Variants in MUC4 observed in about 807,000 individuals in gnomAD.
The protein encoded by MUC4 is mucin 4, cell surface associated.
Under a neutral mutation model 257.9 loss-of-function variants are expected in MUC4, and 202 were observed. The observed-to-expected ratio is 0.78, with a 90% CI of 0.70 to 0.88. The LOEUF (loss-of-function observed/expected upper bound fraction) is 0.88. Ranked by LOEUF, MUC4 falls within the 40% of genes least tolerant of loss-of-function variation. The pLI is 0.00. For missense variants in MUC4, 5,976 were observed against 6,513.7 expected (o/e 0.92, Z 2.84); for synonymous variants, 2,351 against 2,757.1 (o/e 0.85, Z 4.62).
At position 195,779,215 on chromosome 3, in the gene MUC4, G is replaced by A. The variant is rs1725963612; in HGVS notation, c.12365C>T (p.Ser4122Phe). The A allele has an allele frequency of 7.8e-7, 1 of 1,288,846 alleles. No homozygotes were observed. Among genetic ancestry groups the A allele is most frequent in the Non-Finnish European group, 1.0e-6 (1 of 957,946 alleles). 79.8% of individuals were successfully genotyped at this position (1,288,846 alleles called of 1,614,324 possible). Residue 4122 changes from serine to phenylalanine, a missense_variant, in exon 2 of 25, where the codon TCC becomes TTC. Around this residue, in one of 44 missense-constraint regions of MUC4, gnomAD observed 293 missense variants for 294.5 expected, o/e 1.00. Coordinates refer to ENST00000463781, the MANE Select transcript of MUC4 (RefSeq NM_018406.7). The part of the protein sequence containing the change: ...PLPVTDTSSA[S>F]TGQATPLPVT... ...AGGAAGAGGGGTGGCCTGACCTGTGGATGCAGAGGAAGTGTCGGTGACAGG... is the reference window on the plus strand; with the variant it reads ...AGGAAGAGGGGTGGCCTGACCTGTGAATGCAGAGGAAGTGTCGGTGACAGG...
Position 195,782,271 on chromosome 3 carries a change from C to A in MUC4, c.9309G>T (p.Thr3103=), listed in dbSNP as rs12487058. Residue 3103 remains threonine, a synonymous_variant, in exon 2 of 25, where the codon ACG becomes ACT. Transcript: ENST00000463781. ...SLSSVSTGDT[T]PLPVTSPSSA... ...AGGAAGGGCTAGTGACAGGAAGAGGCGTGGTGTCACCTGTGGATACTGAGG... is the reference window on the plus strand; with the variant it reads ...AGGAAGGGCTAGTGACAGGAAGAGGAGTGGTGTCACCTGTGGATACTGAGG... 48 of 1,170,340 alleles carry A rather than the reference C, an allele frequency of 4.1e-5. No homozygotes were observed. In the East Asian group the frequency reaches 2.1e-3, roughly 50 times the overall value. The allele number at this position is 1,170,340 out of a possible 1,614,324, so 72.5% of individuals were successfully genotyped here.
At chr3:195,765,482 C>T (rs77370297) in intron 8 of MUC4, 33 bp from the exon 9 acceptor site, 42,852 of 1,592,910 alleles carry the variant, frequency 0.027, 718 homozygotes, top group Non-Finnish European at 0.033. Context: ...AAGGGCTTAT[C>T]CAGGGCTGGG....
chr3:195,775,927 TTCC>T (rs1302326337), intron 3 of MUC4, among the ~76,000 whole-genome samples: 4 of 94,848 alleles, frequency 4.2e-5, no homozygotes, highest in Admixed American at 9.9e-5. Flanking sequence ...CACCCATACC[TTCC>T]ACAGTCATAC....
chr3:195,780,368 A>C lies in MUC4; in HGVS notation c.11212T>G (p.Ser3738Ala). 1 of 1,424,878 alleles carries C rather than the reference A, an allele frequency of 7.0e-7. No individual in the cohort carries two copies. Among genetic ancestry groups the C allele is most frequent in the Non-Finnish European group, 9.5e-7 (1 of 1,049,882 alleles). 88.3% of individuals were successfully genotyped at this position (1,424,878 alleles called of 1,614,324 possible). A position where few individuals can be genotyped will look rare whatever the true frequency, so the allele number is the denominator to read the frequency against. ...GGAAGAGGGGTGACGTGACCTGTGG[A>C]TGCTGAGGAAGGGCTGGTGACATGA... ...PLHVTSPSSA[S>A]TGHVTPLPVT... is the part of the protein sequence containing the mutation. Residue 3738 changes from serine to alanine, a missense_variant, in exon 2 of 25, where the codon TCC becomes GCC. Transcript: ENST00000463781.
chr3:195,779,919 G>T lies in MUC4; in HGVS notation c.11661C>A (p.Thr3887=), dbSNP rs376747288. The change falls in exon 2 of 25, where the codon ACC becomes ACA. Residue 3887 remains threonine, a synonymous_variant. Coordinates refer to ENST00000463781, the MANE Select transcript of MUC4 (RefSeq NM_018406.7). ...AGGAAGTGTCGGTGACAGGAAGAGG[G>T]GTGGTGTCACCTGTGGAAGCTGAGG... ...GLSSASTGDT[T]PLPVTDTSSA... is the part of the protein sequence containing the mutation. The T allele has an allele frequency of 1.1e-5, 15 of 1,422,548 alleles. 4 individuals carry two copies. In the African/African-American group the frequency reaches 2.3e-4, roughly 21 times the overall value. 88.1% of individuals were successfully genotyped at this position (1,422,548 alleles called of 1,614,324 possible).
rs1297779381 is a variant in MUC4, at chr3:195,761,107, G to A, written c.14625C>T (p.Asn4875=). The A allele has an allele frequency of 1.5e-5, 25 of 1,614,000 alleles. No individual in the cohort carries two copies. The highest frequency in any genetic ancestry group is 7.7e-5 in the South Asian group (7 of 91,076). ...TCCTCTTGCCAAGGAGGCCTGTCCC[G>A]TTGATCTGCCCTGTAACACACAGAG... The part of the protein sequence containing the change: ...LFHFGMTWQI[N]GTGLLGKRND... Residue 4875 remains asparagine, a synonymous_variant, in exon 16 of 25, where the codon AAC becomes AAT. Transcript: ENST00000463781.
intron 7 of MUC4, among the ~76,000 whole-genome samples, chr3:195,767,664 C>T (rs1721350147): frequency 1.7e-5 from 1 of 58,310 alleles, no homozygotes; most frequent in Non-Finnish European, 2.9e-5. Context: ...CCACCACCAC[C>T]ATCACCATCA....
Position 195,787,384 on chromosome 3 carries a change from G to A in MUC4, c.4196C>T (p.Ser1399Phe). The A allele has an allele frequency of 2.5e-6, 2 of 797,154 alleles. No homozygotes were observed. The highest frequency in any genetic ancestry group is 3.1e-5 in the East Asian group (1 of 31,892). The allele number at this position is 797,154 out of a possible 1,614,324, so 49.4% of individuals were successfully genotyped here. A position where few individuals can be genotyped will look rare whatever the true frequency, so the allele number is the denominator to read the frequency against. Residue 1399 changes from serine to phenylalanine, a missense_variant, in exon 2 of 25, where the codon TCC becomes TTC. Ser to Phe is a radical substitution (Grantham distance 155, BLOSUM62 -2). Coordinates refer to ENST00000463781, the MANE Select transcript of MUC4 (RefSeq NM_018406.7). ...DTTPLPVTSPSSASTGHATPL... is the reference protein window; with the variant it reads ...DTTPLPVTSPFSASTGHATPL... ...GGTGGCGTGACCTGTGGATGCTGAG[G>A]AAGGGCTAGTGACAGGAAGAGGCGT...
Position 195,781,728 on chromosome 3 carries a change from G to T in MUC4, c.9852C>A (p.Thr3284=). The part of the protein sequence containing the change: ...YTGDTTSLPV[T]DTSSSSTGDT... ...CACCTGTGGATGATGAGGAAGTGTC[G>T]GTGACAGGAAGAGAGGTGGTGTCAC... The change falls in exon 2 of 25, where the codon ACC becomes ACA. Residue 3284 remains threonine (T), a synonymous_variant. Coordinates refer to ENST00000463781, the MANE Select transcript of MUC4 (RefSeq NM_018406.7). The T allele has an allele frequency of 6.8e-7, 1 of 1,475,344 alleles. No homozygotes were observed. The allele number at this position is 1,475,344 out of a possible 1,614,324, so 91.4% of individuals were successfully genotyped here.
chr3:195,762,324 C>A (rs1303429027), intron 13 of MUC4, 70 bp from the exon 14 acceptor site: 2 of 1,467,572 alleles, frequency 1.4e-6, no homozygotes, highest in African/African-American at 1.4e-5. Context: ...CCGCGCCCTG[C>A]CGGGCCCGCA....
chr3:195,788,506 A>G lies in MUC4; in HGVS notation c.3074T>C (p.Leu1025Pro), dbSNP rs1031011778. ...TTCTGAGGAAGTGTCGGTGACAGGA[A>G]GAGGGGTGGTGTGACCTGTGGATAC... ...SSVSTGHTTP[L>P]PVTDTSSEST... Residue 1025 changes from leucine (L) to proline (P), a missense_variant, in exon 2 of 25, where the codon CTT (leucine) becomes CCT (proline). By Grantham distance (98) the Leu-to-Pro change is moderately conservative. Transcript: ENST00000463781. The G allele has an allele frequency of 6.7e-7, 1 of 1,493,124 alleles. No individual in the cohort carries two copies. The allele number at this position is 1,493,124 out of a possible 1,614,324, so 92.5% of individuals were successfully genotyped here. A position where few individuals can be genotyped will look rare whatever the true frequency, so the allele number is the denominator to read the frequency against.
At chr3:195,770,762 G>T in intron 5 of MUC4, 2 of 434,460 alleles carry the variant, frequency 4.6e-6, no homozygotes, top group East Asian at 6.8e-5. Context: ...TCCGTGGCAG[G>T]GGCACGGTCC....
intron 7 of MUC4, among the ~76,000 whole-genome samples, chr3:195,767,540 T>TCACCAC (rs1406281561): frequency 2.4e-4 from 16 of 65,732 alleles, no homozygotes; most frequent in Non-Finnish European, 8.4e-5. Flanking sequence ...GCCACCACCA[T>TCACCAC]CATCACCATC....
At chr3:195,807,991 C>T (rs1037200351) in intron 1 of MUC4, among the ~76,000 whole-genome samples, 6 of 152,216 alleles carry the variant, frequency 3.9e-5, no homozygotes, top group African/African-American at 1.4e-4. Flanking sequence ...TCCGCTGGAG[C>T]GAGCCCCTGC....
intron 1 of MUC4, among the ~76,000 whole-genome samples, chr3:195,803,327 A>AAGC (rs1735584268): frequency 6.6e-6 from 1 of 152,240 alleles, no homozygotes; most frequent in African/African-American, 2.4e-5. Context: ...CTGAAAATTA[A>AAGC]AGCAGCTACT....
intron 18 of MUC4, among the ~76,000 whole-genome samples, chr3:195,754,873 GTATGTATCC>G (rs373535432): frequency 0.64 from 95,294 of 149,140 alleles, 31,258 homozygotes; most frequent in East Asian, 0.8. Context: ...ATGTATCAAT[GTATGTATCC>G]ATGTATGTAT....
chr3:195,747,326 G>A lies in MUC4; in HGVS notation c.16089C>T (p.Ser5363=). 6.2e-7 allele frequency: 1 copy of A among 1,614,098 alleles called. No individual in the cohort carries two copies. Among genetic ancestry groups the A allele is most frequent in the South Asian group, 1.1e-5 (1 of 91,084 alleles). ...TAWGEHCEHL[S]MKLDAFFGIF... ...TGCCGAAGAACGCGTCGAGTTTCAT[G>A]CTCAGGTGCTCACAGTGCTCGCCCC... Residue 5363 remains serine, a synonymous_variant, in exon 25 of 25, where the codon AGC becomes AGT. Coordinates refer to ENST00000463781, the MANE Select transcript of MUC4 (RefSeq NM_018406.7).
rs1215680197 is a variant in MUC4 at position 195,767,760 on chromosome 3, TCAC to T, written c.13530-1012_13530-1010del. On this transcript the variant is annotated intron_variant, in intron 7 of 24. Coordinates refer to ENST00000463781, the MANE Select transcript of MUC4 (RefSeq NM_018406.7). ...ACCATCACCATCGCCACCACCACCA[TCAC>T]CACCACCACCACCATCACCACCATC... Among the ~76,000 whole-genome samples the T allele has an allele frequency of 4.7e-3, 139 of 29,536 alleles. 1 individual carries two copies. The highest frequency in any genetic ancestry group is 6.1e-3 in the Non-Finnish European group (90 of 14,674). 19.4% of individuals were successfully genotyped at this position (29,536 alleles called of 152,430 possible).
In MUC4 at chr3:195,786,965, C is replaced by A. The variant is rs1348763600; in HGVS notation, c.4615G>T (p.Val1539Phe). The A allele has an allele frequency of 1.1e-5, 10 of 935,616 alleles. 1 individual carries two copies. Among genetic ancestry groups the A allele is most frequent in the Non-Finnish European group, 1.4e-5 (10 of 705,644 alleles). 58.0% of individuals were successfully genotyped at this position (935,616 alleles called of 1,614,324 possible). A position where few individuals can be genotyped will look rare whatever the true frequency, so the allele number is the denominator to read the frequency against. ...GTGGATGCTGAGGAAGGGCTAGTGA[C>A]AGGAAGAGGCATGGTGTCACCTGTG... ...ASTGDTMPLPVTSPSSASTGD... is the reference protein window; with the variant it reads ...ASTGDTMPLPFTSPSSASTGD... Residue 1539 changes from valine to phenylalanine, a missense_variant, in exon 2 of 25, where the codon GTC becomes TTC. Val to Phe is a conservative substitution (Grantham distance 50, BLOSUM62 -1). This residue lies in a region of MUC4 where 63 missense variants were observed against 68.8 expected (regional missense o/e 0.92). Coordinates refer to ENST00000463781, the MANE Select transcript of MUC4 (RefSeq NM_018406.7).
Sources: gnomAD v4.1 joint callset for allele counts (sites outside exome capture counted in the v4.1 genomes callset) on GRCh38, gnomAD v4.1.1 for gene constraint, gnomAD v4.1.1 regional missense constraint, MANE v1.5 for transcripts, NCBI Gene and HGNC (gene_info 2026-07-23, HGNC 2026-07-21) for gene names.